Variants in BTBD9 observed in about 807,000 individuals in gnomAD.
BTBD9 encodes BTB domain containing 9.
A neutral mutation model predicts 64.3 loss-of-function variants in BTBD9; 49 were observed. That is an observed-to-expected ratio of 0.76 (90% CI 0.61 to 0.97). BTBD9 has a LOEUF of 0.97. Ranked by LOEUF, BTBD9 falls within the 50% of genes least tolerant of loss-of-function variation. The pLI is 0.00. For synonymous variants in BTBD9, 260 were observed against 274.7 expected (o/e 0.95, Z 0.53); for missense variants, 598 against 762.1 (o/e 0.78, Z 2.53).
At chr6:38,239,465 T>TAAAA in intron 9 of BTBD9, among the ~76,000 whole-genome samples, 1 of 141,400 alleles carries the variant, frequency 7.1e-6, no homozygotes, top group East Asian at 2.2e-4. Flanking sequence ...AAAAAAGATA[T>TAAAA]AATCTCTTAT....
intron 9 of BTBD9, among the ~76,000 whole-genome samples, chr6:38,223,772 C>CTT (rs1229508772): frequency 6.9e-6 from 1 of 145,928 alleles, no homozygotes; most frequent in Non-Finnish European, 1.5e-5. Context: ...TTGGATTCTC[C>CTT]TTTTTTTTTT....
Position 38,169,846 on chromosome 6 carries a change from G to A in BTBD9, c.*5139C>T, listed in dbSNP as rs574082961. 26 of 151,946 alleles carry A rather than the reference G, an allele frequency of 1.7e-4. No individual in the cohort carries two copies. The highest frequency in any genetic ancestry group is 3.4e-4 in the Non-Finnish European group (23 of 67,992). The allele number at this position is 151,946 out of a possible 1,614,324, so 9.4% of individuals were successfully genotyped here. A position where few individuals can be genotyped will look rare whatever the true frequency, so the allele number is the denominator to read the frequency against. On this transcript the variant is annotated 3_prime_UTR_variant, in exon 11 of 11. Coordinates refer to ENST00000481247, the MANE Select transcript of BTBD9 (RefSeq NM_001099272.2). Reference sequence around the variant, plus strand: ...AGACATTTATCATAAATTACAGGTGGATGATTGTGAGTCTTCAGGCCATGA... The same window carrying A: ...AGACATTTATCATAAATTACAGGTGAATGATTGTGAGTCTTCAGGCCATGA...
At chr6:38,424,412 A>G (rs1270708448) in intron 6 of BTBD9, among the ~76,000 whole-genome samples, 1 of 152,020 alleles carries the variant, frequency 6.6e-6, no homozygotes, top group Non-Finnish European at 1.5e-5. Context: ...GCTCCAGCTC[A>G]TTGTAAATGT....
At chr6:38,455,218 C>G (rs1197353435) in intron 6 of BTBD9, among the ~76,000 whole-genome samples, 1 of 152,164 alleles carries the variant, frequency 6.6e-6, no homozygotes, top group African/African-American at 2.4e-5. Flanking sequence ...TACTTACCAC[C>G]ACAACAATCA....
intron 6 of BTBD9, among the ~76,000 whole-genome samples, chr6:38,391,092 T>G (rs768755108): frequency 3.3e-5 from 5 of 152,246 alleles, no homozygotes; most frequent in Admixed American, 6.5e-5. Context: ...TACTCATTCA[T>G]TCAGTCAGTT....
In BTBD9 at chr6:38,598,106, G is replaced by A; in HGVS notation, c.-12C>T. On this transcript the variant is annotated 5_prime_UTR_variant, in exon 2 of 11. Coordinates refer to ENST00000481247, the MANE Select transcript of BTBD9 (RefSeq NM_001099272.2). ...TGGCTGTTACTCATCTTGTGGAATA[G>A]ACGATAGTCGTTGTTCTATCATATA... is the stretch of plus-strand genomic sequence containing the variant. 6.2e-7 allele frequency: 1 copy of A among 1,610,260 alleles called. No individual in the cohort carries two copies. Among genetic ancestry groups the A allele is most frequent in the Admixed American group, 1.7e-5 (1 of 59,624 alleles).
intron 6 of BTBD9, among the ~76,000 whole-genome samples, chr6:38,376,171 T>C (rs1040835320): frequency 6.6e-6 from 1 of 152,140 alleles, no homozygotes; most frequent in Non-Finnish European, 1.5e-5. Flanking sequence ...ACAGATGTTA[T>C]ACAAAGTAAA....
intron 6 of BTBD9, among the ~76,000 whole-genome samples, chr6:38,396,907 T>C (rs913567443): frequency 2.8e-5 from 4 of 144,148 alleles, no homozygotes; most frequent in African/African-American, 7.7e-5. Context: ...CTTTTTTTTT[T>C]TTTTTTTTTT....
chr6:38,474,023 A>G (rs989482181), intron 6 of BTBD9, among the ~76,000 whole-genome samples: 1 of 152,202 alleles, frequency 6.6e-6, no homozygotes, highest in African/African-American at 2.4e-5. Flanking sequence ...AGGCTGGAGT[A>G]TTTAATAAAT....
At chr6:38,542,864 A>G (rs1258616423) in intron 6 of BTBD9, among the ~76,000 whole-genome samples, 1 of 152,198 alleles carries the variant, frequency 6.6e-6, no homozygotes, top group Non-Finnish European at 1.5e-5. Flanking sequence ...GGATCTGTTT[A>G]ATACTTTTGT....
intron 6 of BTBD9, among the ~76,000 whole-genome samples, chr6:38,547,013 T>A (rs1774582552): frequency 6.6e-6 from 1 of 152,176 alleles, no homozygotes; most frequent in Non-Finnish European, 1.5e-5. Context: ...ATTGTAATTG[T>A]ATCTGGGGCG....
chr6:38,316,439 C>G (rs1763031762), intron 7 of BTBD9, among the ~76,000 whole-genome samples: 2 of 152,046 alleles, frequency 1.3e-5, no homozygotes, highest in Admixed American at 6.6e-5. Context: ...TAATTTCTTG[C>G]TCTTTATTTT....
intron 6 of BTBD9, among the ~76,000 whole-genome samples, chr6:38,540,948 C>G (rs1465134951): frequency 6.6e-6 from 1 of 152,214 alleles, no homozygotes; most frequent in African/African-American, 2.4e-5. Flanking sequence ...ACTTTATACA[C>G]AGCATCACCT....
intron 6 of BTBD9, among the ~76,000 whole-genome samples, chr6:38,477,550 T>C (rs989064206): frequency 6.6e-6 from 1 of 152,208 alleles, no homozygotes; most frequent in Non-Finnish European, 1.5e-5. Flanking sequence ...GTGCTTTGTA[T>C]TTATATCCAT....
intron 2 of BTBD9, among the ~76,000 whole-genome samples, chr6:38,596,874 G>T (rs941633842): frequency 1.3e-5 from 2 of 151,996 alleles, no homozygotes; most frequent in African/African-American, 2.4e-5. Context: ...TTAAAAAGAG[G>T]AAGAAATATA....
At chr6:38,428,870 C>T (rs1055800085) in intron 6 of BTBD9, among the ~76,000 whole-genome samples, 6 of 151,186 alleles carry the variant, frequency 4.0e-5, no homozygotes, top group Non-Finnish European at 7.4e-5. Context: ...CCACCACGCC[C>T]GGCTAATTTT....
intron 9 of BTBD9, among the ~76,000 whole-genome samples, chr6:38,223,615 G>A (rs763655679): frequency 6.6e-6 from 1 of 152,120 alleles, no homozygotes; most frequent in Non-Finnish European, 1.5e-5. Context: ...TAGATTATAG[G>A]TGTGAACCAC....
chr6:38,249,758 CA>C (rs386358932), intron 9 of BTBD9, among the ~76,000 whole-genome samples: 2,602 of 121,730 alleles, frequency 0.021, 65 homozygotes, highest in African/African-American at 0.071. Flanking sequence ...CATTAAGAAT[CA>C]AAAAAAAAAA....
intron 9 of BTBD9, among the ~76,000 whole-genome samples, chr6:38,206,472 C>T (rs1762656751): frequency 6.6e-6 from 1 of 151,908 alleles, no homozygotes; most frequent in African/African-American, 2.4e-5. Flanking sequence ...AACTCCTGAC[C>T]TCACGTGATC....
Sources: allele counts gnomAD v4.1 joint callset (sites outside exome capture counted in the v4.1 genomes callset), GRCh38; gene constraint gnomAD v4.1.1; transcripts MANE v1.5; gene names NCBI Gene and HGNC (gene_info 2026-07-23, HGNC 2026-07-21).